The following RPS6KC1 variants were observed in gnomAD, a reference collection of about 807,000 sequenced individuals.
RPS6KC1 encodes the protein ribosomal protein S6 kinase C1.
In RPS6KC1, 54 loss-of-function variants were observed where a neutral mutation model predicts 103.8. The observed-to-expected ratio is 0.52, with a 90% CI of 0.42 to 0.65. The LOEUF is 0.65. RPS6KC1 is among the 30% of genes least tolerant of loss of function. The pLI, the probability that RPS6KC1 is intolerant of heterozygous loss-of-function variation, is 0.00. For synonymous variants in RPS6KC1, 439 were observed against 438.7 expected, an observed-to-expected ratio of 1.00 and a Z score of -0.01; for missense variants, 1,151 against 1,253.8, an observed-to-expected ratio of 0.92 and a Z score of 1.24.
intron 1 of RPS6KC1, among the ~76,000 whole-genome samples, chr1:213,067,587 A>G (rs368776006): frequency 5.3e-5 from 8 of 152,040 alleles, no homozygotes; most frequent in African/African-American, 9.6e-5. Flanking sequence ...GTGTTTCCCA[A>G]TCTTTTGCTT....
At chr1:213,396,229 G>C in the RPS6KC1 span, among the ~76,000 whole-genome samples, 1 of 152,114 alleles carries the variant, frequency 6.6e-6, no homozygotes, top group Non-Finnish European at 1.5e-5. Context: ...GTGCCGTCAA[G>C]GGGAGATGCA....
At chr1:213,108,443 G>A (rs1392917209) in intron 4 of RPS6KC1, among the ~76,000 whole-genome samples, 2 of 151,902 alleles carry the variant, frequency 1.3e-5, no homozygotes, top group Non-Finnish European at 2.9e-5. Flanking sequence ...ATTAATCTAC[G>A]TGCCTGTCTT....
the RPS6KC1 span, among the ~76,000 whole-genome samples, chr1:213,491,070 C>G: frequency 2.0e-5 from 3 of 152,158 alleles, no homozygotes; most frequent in Admixed American, 2.0e-4. Context: ...CTTGCCCACC[C>G]CAATGTTCAC....
At chr1:213,779,078 C>G in the RPS6KC1 span, among the ~76,000 whole-genome samples, 1 of 152,112 alleles carries the variant, frequency 6.6e-6, no homozygotes, top group Non-Finnish European at 1.5e-5. Flanking sequence ...GAATTCTGAG[C>G]ATCTAAAAGA....
chr1:213,766,878 G>T, the RPS6KC1 span, among the ~76,000 whole-genome samples: 1 of 152,184 alleles, frequency 6.6e-6, no homozygotes, highest in South Asian at 2.1e-4. Context: ...CCTCCAAGGA[G>T]ATGGCATTTT....
chr1:213,828,450 C>T, the RPS6KC1 span, among the ~76,000 whole-genome samples: 5 of 151,980 alleles, frequency 3.3e-5, no homozygotes, highest in Non-Finnish European at 5.9e-5. Context: ...GCAAGGGGGC[C>T]GGAAAAGTCC....
intron 1 of RPS6KC1, among the ~76,000 whole-genome samples, chr1:213,062,126 A>G (rs2077893250): frequency 6.6e-6 from 1 of 152,166 alleles, no homozygotes; most frequent in Non-Finnish European, 1.5e-5. Context: ...ACAGGTTAGC[A>G]TCCCTATTCT....
the RPS6KC1 span, among the ~76,000 whole-genome samples, chr1:213,806,367 A>T: frequency 3.3e-5 from 5 of 152,284 alleles, no homozygotes; most frequent in Admixed American, 2.6e-4. Flanking sequence ...AAGAAAAAAA[A>T]ATCAGTAAAC....
At chr1:213,433,237 ATC>A in the RPS6KC1 span, among the ~76,000 whole-genome samples, 1 of 152,162 alleles carries the variant, frequency 6.6e-6, no homozygotes, top group Non-Finnish European at 1.5e-5. Context: ...ATATGATCAC[ATC>A]TCTCTCTGAC....
chr1:213,464,841 G>A, the RPS6KC1 span, among the ~76,000 whole-genome samples: 3 of 151,856 alleles, frequency 2.0e-5, no homozygotes, highest in African/African-American at 4.8e-5. Flanking sequence ...TGGATAGAGG[G>A]TGCTACAGTG....
chr1:213,466,222 AC>A, the RPS6KC1 span, among the ~76,000 whole-genome samples: 1 of 152,250 alleles, frequency 6.6e-6, no homozygotes, highest in East Asian at 1.9e-4. Context: ...ATGCCATACA[AC>A]CTAAGTAAAA....
At position 213,104,797 on chromosome 1, in the gene RPS6KC1, C is replaced by G. The variant is rs1193325285; in HGVS notation, c.378+228C>G. Among the ~76,000 whole-genome samples, 4 of 145,738 alleles carry G rather than the reference C, an allele frequency of 2.7e-5. No homozygotes were observed. The Admixed American group carries it at 2.8e-4, about 10-fold the overall frequency. The stretch of plus-strand genomic sequence containing the variant: ...CTGCTCTGTTGCTTAGACTGTTGTT[C>G]AGTGGCCATTGACAGGTGTGATCAT... On this transcript the variant is annotated intron_variant, in intron 4 of 14. Coordinates refer to ENST00000366960, the MANE Select transcript of RPS6KC1 (RefSeq NM_012424.6).
chr1:213,143,261 G>A (rs2149102840), intron 6 of RPS6KC1, among the ~76,000 whole-genome samples: 1 of 152,060 alleles, frequency 6.6e-6, no homozygotes, highest in South Asian at 2.1e-4. Flanking sequence ...CACATAAAAG[G>A]TGAAATTTAA....
intron 8 of RPS6KC1, among the ~76,000 whole-genome samples, chr1:213,203,371 C>A (rs1558529745): frequency 6.6e-6 from 1 of 152,068 alleles, no homozygotes; most frequent in Non-Finnish European, 1.5e-5. Flanking sequence ...GGTTTACTTC[C>A]TCGTATCCTT....
chr1:213,739,437 T>A, the RPS6KC1 span, among the ~76,000 whole-genome samples: 19,292 of 152,046 alleles, frequency 0.13, 1,349 homozygotes, highest in African/African-American at 0.19. Context: ...GGGGCTGGTA[T>A]CCCTAACCCC....
chr1:213,415,749 A>C, the RPS6KC1 span, among the ~76,000 whole-genome samples: 1 of 151,944 alleles, frequency 6.6e-6, no homozygotes, highest in Non-Finnish European at 1.5e-5. Context: ...ATTATAAAAA[A>C]CTCCAGGATT....
At chr1:213,410,833 TTA>T in the RPS6KC1 span, among the ~76,000 whole-genome samples, 1 of 151,714 alleles carries the variant, frequency 6.6e-6, no homozygotes, top group Admixed American at 6.6e-5. Flanking sequence ...ATTTTTTTTT[TTA>T]AAAAAGGGAA....
At chr1:213,728,534 G>T in the RPS6KC1 span, among the ~76,000 whole-genome samples, 1 of 152,050 alleles carries the variant, frequency 6.6e-6, no homozygotes, top group Non-Finnish European at 1.5e-5. Flanking sequence ...ACCTTTCTGT[G>T]CCTCAGTTTC....
At chr1:213,461,208 A>G in the RPS6KC1 span, among the ~76,000 whole-genome samples, 1 of 152,238 alleles carries the variant, frequency 6.6e-6, no homozygotes. Flanking sequence ...TAAAATATCT[A>G]GGAATACAAC....
Sources: gnomAD v4.1 joint callset for allele counts (sites outside exome capture counted in the v4.1 genomes callset) on GRCh38, gnomAD v4.1.1 for gene constraint, MANE v1.5 for transcripts, NCBI Gene and HGNC (gene_info 2026-07-23, HGNC 2026-07-21) for gene names.